The following TMEM185A variants were observed in gnomAD, a reference collection of about 807,000 sequenced individuals.
TMEM185A encodes the protein transmembrane protein 185A.
In TMEM185A, 9 loss-of-function variants were observed where a neutral mutation model predicts 25.0. The observed-to-expected ratio is 0.36, with a 90% CI of 0.22 to 0.63. The LOEUF (loss-of-function observed/expected upper bound fraction) is 0.63. Among genes scored for constraint, TMEM185A ranks in the 20% least tolerant of loss-of-function variants. The pLI is 0.68. For synonymous variants in TMEM185A, 45 were observed against 93.5 expected (o/e 0.48, Z 2.99); for missense variants, 103 against 237.4 (o/e 0.43, Z 3.72).
intron 3 of TMEM185A, among the ~76,000 whole-genome samples, chrX:149,604,376 C>G (rs1359916517): frequency 2.7e-5 from 3 of 111,702 alleles, no homozygotes; most frequent in African/African-American, 9.8e-5. Context: ...CAATAGACCA[C>G]TAAACTTCCT....
At chrX:149,631,053 A>C (rs908253883) in intron 1 of TMEM185A, among the ~76,000 whole-genome samples, 3 of 110,855 alleles carry the variant, frequency 2.7e-5, no homozygotes, top group East Asian at 5.7e-4. Context: ...GTATCCGTTC[A>C]ACAAAGAAGC....
chrX:149,616,940 T>C lies in TMEM185A; in HGVS notation c.39-5477A>G, dbSNP rs781813919. On this transcript the variant is annotated intron_variant, in intron 1 of 6. Transcript: ENST00000600449. ...TAGTACTGGCATAAGAATAGATATA[T>C]AGAACGTACTAGAGAGTTGGAAAAC... Among the ~76,000 whole-genome samples, 7 of 112,381 alleles carry C rather than the reference T, an allele frequency of 6.2e-5. No homozygotes were observed. In the East Asian group the frequency reaches 1.1e-3, roughly 18 times the overall value.
Position 149,604,081 on chromosome X carries a change from A to G in TMEM185A, c.424-11T>C. On this transcript the variant is annotated splice_polypyrimidine_tract_variant and intron_variant, in intron 3 of 6. Transcript: ENST00000600449. ...ACACAGGATTTCTAACTAAAAATGA[A>G]GAGAAGAATCAGTTAAACAAAGTAT... 8.7e-7 allele frequency: 1 copy of G among 1,144,857 alleles called. No individual in the cohort carries two copies. Among genetic ancestry groups the G allele is most frequent in the Non-Finnish European group, 1.2e-6 (1 of 838,371 alleles). 94.3% of individuals were successfully genotyped at this position (1,144,857 alleles called of 1,213,427 possible). A position where few individuals can be genotyped will look rare whatever the true frequency, so the allele number is the denominator to read the frequency against.
intron 1 of TMEM185A, among the ~76,000 whole-genome samples, chrX:149,616,244 T>C (rs1557355023): frequency 8.9e-6 from 1 of 112,324 alleles, no homozygotes; most frequent in African/African-American, 3.2e-5. Context: ...CTCAATACTG[T>C]TAAGATTTAC....
chrX:149,598,269 A>AT lies in TMEM185A; in HGVS notation c.809-15dup, dbSNP rs2090002517. 11 of 839,419 alleles carry AT rather than the reference A, an allele frequency of 1.3e-5. No homozygotes were observed. In the East Asian group the frequency reaches 3.6e-4, roughly 27 times the overall value. 69.2% of individuals were successfully genotyped at this position (839,419 alleles called of 1,213,427 possible). On this transcript the variant is annotated splice_polypyrimidine_tract_variant and intron_variant, in intron 6 of 6. Coordinates refer to ENST00000600449, the MANE Select transcript of TMEM185A (RefSeq NM_032508.4). ...TACCAAACCACCCTGAAAAATAAGA[A>AT]TTTTTTATTTCACACACGAGGCTCA...
chrX:149,615,406 T>C (rs1424492448), intron 1 of TMEM185A, among the ~76,000 whole-genome samples: 1 of 112,012 alleles, frequency 8.9e-6, no homozygotes, highest in African/African-American at 3.2e-5. Flanking sequence ...AGCAAGTATG[T>C]CCACTTCAAC....
chrX:149,604,217 G>A (rs1557352925), intron 3 of TMEM185A, 147 bp from the exon 4 acceptor site: 4 of 423,417 alleles, frequency 9.4e-6, no homozygotes, highest in Middle Eastern at 6.6e-4. Context: ...CCTGATTTTC[G>A]GTACCAGAGG....
rs369728213 is a variant in TMEM185A at position 149,619,448 on chromosome X, T to G, written c.39-7985A>C. On this transcript the variant is annotated intron_variant, in intron 1 of 6. Transcript: ENST00000600449. ...GTTTTGCTTCCTGCACTTTCTTTTTTTGTGTGTGTGATAGAAGCATCTTTT... is the reference window on the plus strand; with the variant it reads ...GTTTTGCTTCCTGCACTTTCTTTTTGTGTGTGTGTGATAGAAGCATCTTTT... Among the ~76,000 whole-genome samples, 12 of 111,122 alleles carry G rather than the reference T, an allele frequency of 1.1e-4. No individual in the cohort carries two copies. The East Asian group carries it at 1.4e-3, about 13-fold the overall frequency.
At chrX:149,608,333 CTT>C (rs781794975) in intron 3 of TMEM185A, 598 of 152,891 alleles carry the variant, frequency 3.9e-3, no homozygotes, top group East Asian at 7.6e-3. Context: ...TGAAAACATT[CTT>C]TTTTTTTTTT....
At chrX:149,613,293 T>C (rs2090093880) in intron 1 of TMEM185A, among the ~76,000 whole-genome samples, 1 of 111,983 alleles carries the variant, frequency 8.9e-6, no homozygotes, top group Non-Finnish European at 1.9e-5. Context: ...GAAGAGTAAG[T>C]CAGAGAAATG....
intron 4 of TMEM185A, among the ~76,000 whole-genome samples, chrX:149,602,616 G>A (rs782016577): frequency 8.9e-6 from 1 of 112,362 alleles, no homozygotes; most frequent in East Asian, 2.8e-4. Flanking sequence ...CATCAACTGG[G>A]ATCTACAGAG....
At position 149,608,658 on chromosome X, in the gene TMEM185A, A is replaced by G. The variant is rs1557353975; in HGVS notation, c.392T>C (p.Val131Ala). 3.3e-6 allele frequency: 4 copies of G among 1,211,685 alleles called. No individual in the cohort carries two copies. Among genetic ancestry groups the G allele is most frequent in the African/African-American group, 1.7e-5 (1 of 57,786 alleles). ...TGACCTGTCATGTCGAAAGCCCCAA[A>G]CGCAAGCTGCAACAGACACCGGGGA... ...FVSPVSVAAC[V>A]WGFRHDRSLE... The change falls in exon 3 of 7, where the codon GTT (valine) becomes GCT (alanine). Residue 131 changes from valine (V) to alanine (A), a missense_variant. Coordinates refer to ENST00000600449, the MANE Select transcript of TMEM185A (RefSeq NM_032508.4).
chrX:149,626,837 C>T (rs915169495), intron 1 of TMEM185A, among the ~76,000 whole-genome samples: 6 of 112,138 alleles, frequency 5.4e-5, no homozygotes, highest in Non-Finnish European at 9.4e-5. Context: ...TGCACGCAGG[C>T]TAGATTTATG....
chrX:149,621,266 T>A (rs1373629830), intron 1 of TMEM185A, among the ~76,000 whole-genome samples: 1 of 111,155 alleles, frequency 9.0e-6, no homozygotes, highest in Non-Finnish European at 1.9e-5. Flanking sequence ...TTATCCTCTG[T>A]AAAACAGTTT....
At chrX:149,618,801 TGA>T (rs1448312688) in intron 1 of TMEM185A, among the ~76,000 whole-genome samples, 1 of 111,728 alleles carries the variant, frequency 9.0e-6, no homozygotes, top group Non-Finnish European at 1.9e-5. Flanking sequence ...ACAAATTTAG[TGA>T]GAGTAGCGAC....
At chrX:149,603,750 A>G (rs1557352818) in intron 4 of TMEM185A, 1 of 283,616 alleles carries the variant, frequency 3.5e-6, no homozygotes, top group African/African-American at 2.8e-5. Context: ...AATGTTTATG[A>G]TACAACATTA....
At chrX:149,606,129 T>C (rs782067828) in intron 3 of TMEM185A, among the ~76,000 whole-genome samples, 3 of 112,222 alleles carry the variant, frequency 2.7e-5, no homozygotes, top group Non-Finnish European at 5.6e-5. Context: ...TAATTCCCAG[T>C]GGGATGCGTG....
At chrX:149,631,472 C>T in intron 1 of TMEM185A, 71 bp downstream of exon 1, 2 of 1,103,444 alleles carry the variant, frequency 1.8e-6, no homozygotes, top group Non-Finnish European at 1.2e-6. Context: ...CGTGCCTCCC[C>T]GGAGCCGAAC....
Position 149,631,705 on chromosome X carries a change from C to T in TMEM185A, c.-125G>A. ...GTCCACGCTGCTGCTCCCGCTACTG[C>T]TGCCGTCCCCGCTGCCGTCGCCGTC... On this transcript the variant is annotated 5_prime_UTR_variant, in exon 1 of 7. Coordinates refer to ENST00000600449, the MANE Select transcript of TMEM185A (RefSeq NM_032508.4). 1 of 701,100 alleles carries T rather than the reference C, an allele frequency of 1.4e-6. No homozygotes were observed. The highest frequency in any genetic ancestry group is 1.9e-6 in the Non-Finnish European group (1 of 521,042). 57.8% of individuals were successfully genotyped at this position (701,100 alleles called of 1,213,427 possible).
Sources: gnomAD v4.1 joint callset for allele counts (sites outside exome capture counted in the v4.1 genomes callset) on GRCh38, gnomAD v4.1.1 for gene constraint, MANE v1.5 for transcripts, NCBI Gene and HGNC (gene_info 2026-07-23, HGNC 2026-07-21) for gene names.